Variants in DYRK1A observed in about 807,000 individuals in gnomAD.
DYRK1A encodes the protein dual specificity tyrosine phosphorylation regulated kinase 1A, also known as dual specificity tyrosine-phosphorylation-regulated kinase 1A.
A neutral mutation model predicts 79.7 loss-of-function variants in DYRK1A; 9 were observed. The observed-to-expected ratio is 0.11, with a 90% CI of 0.07 to 0.20. DYRK1A has a LOEUF of 0.20. Ranked by LOEUF, DYRK1A falls within the 10% of genes least tolerant of loss-of-function variation. The pLI is 1.00. For synonymous variants in DYRK1A, 349 were observed against 329.7 expected, an observed-to-expected ratio of 1.06 and a Z score of -0.63; for missense variants, 622 against 956.0, an observed-to-expected ratio of 0.65 and a Z score of 4.61.
In DYRK1A at chr21:37,426,341, A is replaced by G. The variant is rs182029842; in HGVS notation, c.10+5957A>G. Among the ~76,000 whole-genome samples, 19 of 152,312 alleles carry G rather than the reference A, an allele frequency of 1.2e-4. No homozygotes were observed. In the East Asian group the frequency reaches 3.1e-3, roughly 25 times the overall value. ...TAGTCAAAATCCCCACAGAGTTTTTATAAGAGAAAAGCATAAGGAGCCGAA... is the reference window on the plus strand; with the variant it reads ...TAGTCAAAATCCCCACAGAGTTTTTGTAAGAGAAAAGCATAAGGAGCCGAA... On this transcript the variant is annotated intron_variant, in intron 2 of 11. Coordinates refer to ENST00000647188, the MANE Select transcript of DYRK1A (RefSeq NM_001347721.2).
intron 5 of DYRK1A, 71 bp from the exon 6 acceptor site, chr21:37,486,396 A>T: frequency 8.6e-7 from 1 of 1,162,270 alleles, no homozygotes; most frequent in Non-Finnish European, 1.2e-6. Context: ...TGTTATAATT[A>T]AGGTGAATTA....
At chr21:37,441,367 G>T (rs1008222473) in intron 2 of DYRK1A, among the ~76,000 whole-genome samples, 10 of 151,950 alleles carry the variant, frequency 6.6e-5, no homozygotes, top group Admixed American at 2.6e-4. Context: ...GAGGTATTTA[G>T]ATCATTTGTG....
intron 6 of DYRK1A, chr21:37,487,731 T>G (rs1240114180): frequency 6.6e-6 from 1 of 152,204 alleles, no homozygotes; most frequent in Non-Finnish European, 1.5e-5. Context: ...AGATTTTGTT[T>G]GTGAAATACT....
Position 37,496,176 on chromosome 21 carries a change from A to T in DYRK1A, c.1130A>T (p.Asp377Val). Reference protein sequence around the residue: ...VLGIPPAHILDQAPKARKFFE... With the variant: ...VLGIPPAHILVQAPKARKFFE... ...GGTATTCCACCTGCTCATATTCTTG[A>T]CCAAGCACCAAAAGCAAGAAAGTTC... is the stretch of plus-strand genomic sequence containing the variant. Residue 377 changes from aspartate to valine, a missense_variant, in exon 9 of 12, where the codon GAC (aspartate) becomes GTC (valine). By Grantham distance (152) the Asp-to-Val change is radical. Transcript: ENST00000647188. 6.2e-7 allele frequency: 1 copy of T among 1,614,102 alleles called. No homozygotes were observed.
chr21:37,385,700 C>T (rs950418291), intron 1 of DYRK1A, among the ~76,000 whole-genome samples: 1 of 152,190 alleles, frequency 6.6e-6, no homozygotes, highest in African/African-American at 2.4e-5. Flanking sequence ...TTTCTTATCG[C>T]TTCATGACTT....
At chr21:37,408,178 C>T (rs1342281199) in intron 1 of DYRK1A, among the ~76,000 whole-genome samples, 8 of 152,238 alleles carry the variant, frequency 5.3e-5, no homozygotes, top group Admixed American at 5.2e-4. Flanking sequence ...TGTTTGTAAG[C>T]TCTCTTGTCA....
chr21:37,441,118 T>C (rs1176044986), intron 2 of DYRK1A, among the ~76,000 whole-genome samples: 1 of 152,180 alleles, frequency 6.6e-6, no homozygotes, highest in African/African-American at 2.4e-5. Flanking sequence ...GTTCTCTTGG[T>C]GATTTGACAC....
In DYRK1A at chr21:37,524,313, G is replaced by A. The variant is rs2148678565; in HGVS notation, c.*11782G>A. On this transcript the variant is annotated 3_prime_UTR_variant, in exon 12 of 12. Coordinates refer to ENST00000647188, the MANE Select transcript of DYRK1A (RefSeq NM_001347721.2). ...ATACATGTTGTTACTTCCCATCTTAGCACTCATCAAGATATTTCTAATTCA... is the reference window on the plus strand; with the variant it reads ...ATACATGTTGTTACTTCCCATCTTAACACTCATCAAGATATTTCTAATTCA... 1 of 152,140 alleles carries A rather than the reference G, an allele frequency of 6.6e-6. No individual in the cohort carries two copies. The highest frequency in any genetic ancestry group is 6.5e-5 in the Admixed American group (1 of 15,290). 9.4% of individuals were successfully genotyped at this position (152,140 alleles called of 1,614,324 possible). A position where few individuals can be genotyped will look rare whatever the true frequency, so the allele number is the denominator to read the frequency against.
intron 2 of DYRK1A, among the ~76,000 whole-genome samples, chr21:37,451,565 C>T (rs1308316279): frequency 2.7e-5 from 4 of 149,586 alleles, no homozygotes; most frequent in East Asian, 2.0e-4. Flanking sequence ...TAGGCTCTAC[C>T]GTCTAGCGTG....
At chr21:37,422,939 T>G (rs2050515926) in intron 2 of DYRK1A, among the ~76,000 whole-genome samples, 1 of 152,144 alleles carries the variant, frequency 6.6e-6, no homozygotes, top group African/African-American at 2.4e-5. Context: ...TAAAATACAG[T>G]TAGAACATGA....
At chr21:37,417,486 G>A (rs1400888163) in intron 1 of DYRK1A, among the ~76,000 whole-genome samples, 2 of 125,110 alleles carry the variant, frequency 1.6e-5, no homozygotes, top group Admixed American at 1.6e-4. Context: ...ACTGCTCCCG[G>A]CCTTGTATTT....
At chr21:37,457,219 C>T (rs1367750931) in intron 2 of DYRK1A, among the ~76,000 whole-genome samples, 1 of 151,918 alleles carries the variant, frequency 6.6e-6, no homozygotes, top group Non-Finnish European at 1.5e-5. Flanking sequence ...ATGCATGCCA[C>T]CACACCTGGC....
intron 2 of DYRK1A, among the ~76,000 whole-genome samples, chr21:37,436,027 G>T (rs1380238198): frequency 6.6e-6 from 1 of 152,150 alleles, no homozygotes; most frequent in Non-Finnish European, 1.5e-5. Flanking sequence ...GGAACATGAG[G>T]TGAAGAATAA....
chr21:37,490,281 C>T lies in DYRK1A; in HGVS notation c.744C>T (p.Val248=). ...DLLRNTNFRG[V]SLNLTRKFAQ... is the part of the protein sequence containing the mutation. Reference sequence around the variant, plus strand: ...TGAGAAACACCAATTTCCGAGGGGTCTCTTTGAACCTAACACGAAAGTTTG... The same window carrying T: ...TGAGAAACACCAATTTCCGAGGGGTTTCTTTGAACCTAACACGAAAGTTTG... The change falls in exon 7 of 12, where the codon GTC becomes GTT. Residue 248 remains valine, a synonymous_variant. Transcript: ENST00000647188. 6.2e-7 allele frequency: 1 copy of T among 1,613,848 alleles called. No homozygotes were observed. Among genetic ancestry groups the T allele is most frequent in the South Asian group, 1.1e-5 (1 of 91,070 alleles).
Position 37,505,279 on chromosome 21 carries a change from A to G in DYRK1A, c.1213-4A>G. On this transcript the variant is annotated splice_polypyrimidine_tract_variant and splice_region_variant and intron_variant, in intron 9 of 11. Transcript: ENST00000647188. Reference sequence around the variant, plus strand: ...GAGAAAGCCTTTCATCTTCTCTCTTACAGGAGTACAAACCACCAGGAACCC... The same window carrying G: ...GAGAAAGCCTTTCATCTTCTCTCTTGCAGGAGTACAAACCACCAGGAACCC... 1 of 1,602,964 alleles carries G rather than the reference A, an allele frequency of 6.2e-7. No individual in the cohort carries two copies. Among genetic ancestry groups the G allele is most frequent in the African/African-American group, 1.3e-5 (1 of 74,538 alleles).
chr21:37,503,947 A>G (rs1157270883), intron 9 of DYRK1A: 1 of 152,130 alleles, frequency 6.6e-6, no homozygotes, highest in African/African-American at 2.4e-5. Flanking sequence ...TTTTTAAAAA[A>G]TGTTTGTAAT....
intron 1 of DYRK1A, among the ~76,000 whole-genome samples, chr21:37,401,049 C>T (rs150199513): frequency 0.024 from 3,652 of 151,852 alleles, 139 homozygotes; most frequent in African/African-American, 0.083. Context: ...GAGGCTGAGG[C>T]GGGAGAATTG....
At position 37,496,345 on chromosome 21, in the gene DYRK1A, A is replaced by T. The variant is rs148227189; in HGVS notation, c.1212+87A>T. On this transcript the variant is annotated intron_variant, in intron 9 of 11. Transcript: ENST00000647188. ...TATAGCTCATTTTGCATTTACTTGAAATCAGTGTGTTTCAGTTAACGATTT... is the reference window on the plus strand; with the variant it reads ...TATAGCTCATTTTGCATTTACTTGATATCAGTGTGTTTCAGTTAACGATTT... 351 of 1,374,704 alleles carry T rather than the reference A, an allele frequency of 2.6e-4. 1 individual carries two copies. In the East Asian group the frequency reaches 7.8e-3, roughly 30 times the overall value. 85.2% of individuals were successfully genotyped at this position (1,374,704 alleles called of 1,614,324 possible). A position where few individuals can be genotyped will look rare whatever the true frequency, so the allele number is the denominator to read the frequency against.
intron 1 of DYRK1A, among the ~76,000 whole-genome samples, chr21:37,392,574 C>T (rs755595368): frequency 7.2e-5 from 11 of 152,192 alleles, no homozygotes; most frequent in Non-Finnish European, 1.3e-4. Flanking sequence ...ATAGATGATG[C>T]CTCTTGCCGT....
Sources: gnomAD v4.1 joint callset for allele counts (sites outside exome capture counted in the v4.1 genomes callset) on GRCh38, gnomAD v4.1.1 for gene constraint, MANE v1.5 for transcripts, NCBI Gene and HGNC (gene_info 2026-07-23, HGNC 2026-07-21) for gene names.